ERN2: variants seen among roughly 807,000 people sequenced by gnomAD.
The protein encoded by ERN2 is serine/threonine-protein kinase/endoribonuclease IRE2.
ERN2 carries 111 observed loss-of-function variants against 107.9 expected under a neutral mutation model. The observed-to-expected ratio is 1.03, with a 90% confidence interval of 0.88 to 1.20. The LOEUF (loss-of-function observed/expected upper bound fraction) is 1.20, where lower values mean the gene tolerates loss of function less well. Ranked by LOEUF, ERN2 falls within the 50% of genes most tolerant of loss-of-function variation. The pLI is 0.00. For missense variants in ERN2, 1,225 were observed against 1,197.9 expected (o/e 1.02, Z -0.33); for synonymous variants, 524 against 501.7 (o/e 1.04, Z -0.59).
chr16:23,695,179 C>G, intron 15 of ERN2, 21 bp downstream of exon 15: 1 of 1,613,946 alleles, frequency 6.2e-7, no homozygotes, highest in Non-Finnish European at 8.5e-7. Context: ...CTCACCCTCC[C>G]TGAACCGCAA....
At chr16:23,710,144 C>G in intron 4 of ERN2, 28 bp downstream of exon 4, 1 of 1,552,836 alleles carries the variant, frequency 6.4e-7, no homozygotes, top group Non-Finnish European at 8.9e-7. Flanking sequence ...TGGCTCTCAC[C>G]CATTCCCGAA....
chr16:23,704,845 G>A, intron 8 of ERN2, 38 bp downstream of exon 8: 1 of 1,593,372 alleles, frequency 6.3e-7, no homozygotes, highest in Non-Finnish European at 8.5e-7. Context: ...GACACTCCCA[G>A]ATGGCTCCCT....
chr16:23,695,112 C>G lies in ERN2; in HGVS notation c.1807G>C (p.Glu603Gln), dbSNP rs1405437228. 6.2e-7 allele frequency: 1 copy of G among 1,614,090 alleles called. No homozygotes were observed. Among genetic ancestry groups the G allele is most frequent in the South Asian group, 1.1e-5 (1 of 91,066 alleles). The change falls in exon 16 of 22, where the codon GAA becomes CAA. Residue 603 changes from glutamate to glutamine, a missense_variant. Transcript: ENST00000256797. ...LCRASLQEYV[E>Q]NPDLDRGGLE... ...CCCCCGCGATCCAGGTCCGGGTTTT[C>G]TACGTACTGAGCAGCAGCAAGGGCC...
Position 23,713,076 on chromosome 16 carries a change from G to A in ERN2, c.93+19C>T. On this transcript the variant is annotated intron_variant, in intron 1 of 21. Coordinates refer to ENST00000256797, the MANE Select transcript of ERN2 (RefSeq NM_033266.4). ...CGCGACCAGACTTTGGGGACTTGGC[G>A]TCGGTCCCTGGCTCTCACCTGTGGA... is the stretch of plus-strand genomic sequence containing the variant. 6.6e-7 allele frequency: 1 copy of A among 1,510,318 alleles called. No individual in the cohort carries two copies. Among genetic ancestry groups the A allele is most frequent in the Non-Finnish European group, 8.8e-7 (1 of 1,133,336 alleles). 93.6% of individuals were successfully genotyped at this position (1,510,318 alleles called of 1,614,324 possible).
chr16:23,698,263 T>A (rs1301339392), intron 13 of ERN2, among the ~76,000 whole-genome samples: 1 of 152,242 alleles, frequency 6.6e-6, no homozygotes, highest in African/African-American at 2.4e-5. Context: ...CTGCCACTTA[T>A]TAGCTTTGTG....
intron 10 of ERN2, 31 bp from the exon 11 acceptor site, chr16:23,702,304 A>G (rs1224813781): frequency 2.5e-6 from 4 of 1,613,426 alleles, no homozygotes; most frequent in Non-Finnish European, 3.4e-6. Flanking sequence ...CATCAGGCTG[A>G]AGGGGACCTT....
intron 8 of ERN2, among the ~76,000 whole-genome samples, chr16:23,703,314 C>T (rs1960164598): frequency 6.6e-6 from 1 of 152,156 alleles, no homozygotes; most frequent in Non-Finnish European, 1.5e-5. Context: ...CTCTAGTGTT[C>T]CCTGCCTCTG....
Position 23,706,401 on chromosome 16 carries a change from G to A in ERN2, c.518C>T (p.Ala173Val). The change falls in exon 7 of 22, where the codon GCC becomes GTC. Residue 173 changes from alanine to valine, a missense_variant. Physicochemically the swap from Ala to Val is moderately conservative, Grantham distance 64 (BLOSUM62 0). Transcript: ENST00000256797. The part of the protein sequence containing the change: ...QYTVTMHDPR[A>V]PALRWNTTYR... The stretch of plus-strand genomic sequence containing the variant: ...GGTGGTGTTCCAGCGCAGGGCTGGG[G>A]CTCTTGGGTCATGCATGGTGACCGT... The A allele has an allele frequency of 6.3e-7, 1 of 1,576,222 alleles. No individual in the cohort carries two copies. Among genetic ancestry groups the A allele is most frequent in the Non-Finnish European group, 8.6e-7 (1 of 1,160,122 alleles).
rs751832831 is a variant in ERN2, at chr16:23,694,996, G to A, written c.1900+23C>T. 4.3e-6 allele frequency: 7 copies of A among 1,612,920 alleles called. No individual in the cohort carries two copies. The Admixed American group carries it at 1.2e-4, about 27-fold the overall frequency. ...AGGCAGGGGCTAAGGACAGGGAGCG[G>A]GAGGCAGGGGAAGTGCGGGTACCTA... is the stretch of plus-strand genomic sequence containing the variant. On this transcript the variant is annotated intron_variant, in intron 16 of 21. Transcript: ENST00000256797.
rs866043603 is a variant in ERN2, at chr16:23,710,339, C to G, written c.234-95G>C. 24 of 1,251,392 alleles carry G rather than the reference C, an allele frequency of 1.9e-5. No homozygotes were observed. In the Middle Eastern group the frequency reaches 1.3e-3, roughly 69 times the overall value. 77.5% of individuals were successfully genotyped at this position (1,251,392 alleles called of 1,614,324 possible). A position where few individuals can be genotyped will look rare whatever the true frequency, so the allele number is the denominator to read the frequency against. On this transcript the variant is annotated intron_variant, in intron 3 of 21. Coordinates refer to ENST00000256797, the MANE Select transcript of ERN2 (RefSeq NM_033266.4). ...CTTCCAATTTCTCAGCTACTAGGAG[C>G]CTGTTCTTGTAGGAAACATCATGGG...
In ERN2 at chr16:23,690,432, C is replaced by T. The variant is rs1959536053; in HGVS notation, c.*399G>A. 4.4e-6 allele frequency: 2 copies of T among 459,144 alleles called. No homozygotes were observed. Among genetic ancestry groups the T allele is most frequent in the Non-Finnish European group, 4.0e-6 (1 of 250,378 alleles). 28.4% of individuals were successfully genotyped at this position (459,144 alleles called of 1,614,324 possible). A position where few individuals can be genotyped will look rare whatever the true frequency, so the allele number is the denominator to read the frequency against. On this transcript the variant is annotated 3_prime_UTR_variant, in exon 22 of 22. Coordinates refer to ENST00000256797, the MANE Select transcript of ERN2 (RefSeq NM_033266.4). ...CCAGCGAACATCTCTGCTTCATCAG[C>T]CCCAGGCTGCCCAGCCTCTGCCAGT...
chr16:23,692,410 A>C (rs896449805), intron 17 of ERN2, 79 bp from the exon 18 acceptor site: 7 of 1,510,308 alleles, frequency 4.6e-6, no homozygotes, highest in Admixed American at 3.5e-5. Context: ...CCATGGGCTG[A>C]TAGAGCTGCC....
rs57103138 is a variant in ERN2, at chr16:23,695,722, CAAAA to C, written c.1610+168_1610+171del. Among the ~76,000 whole-genome samples, 311 of 37,358 alleles carry C rather than the reference CAAAA, an allele frequency of 8.3e-3. 1 individual carries two copies. The highest frequency in any genetic ancestry group is 0.028 in the African/African-American group (294 of 10,392). 24.5% of individuals were successfully genotyped at this position (37,358 alleles called of 152,430 possible). A position where few individuals can be genotyped will look rare whatever the true frequency, so the allele number is the denominator to read the frequency against. On this transcript the variant is annotated intron_variant, in intron 14 of 21. Coordinates refer to ENST00000256797, the MANE Select transcript of ERN2 (RefSeq NM_033266.4). ...CCAGCCTGGGCAACAGAGCAAGACT[CAAAA>C]AAAAAAAAAAAAAAAAAAAAACAGA...
intron 7 of ERN2, 142 bp from the exon 8 acceptor site, chr16:23,705,289 C>A: frequency 1.1e-6 from 1 of 949,892 alleles, no homozygotes; most frequent in East Asian, 2.6e-5. Context: ...TGTTGGAGTT[C>A]ATGGAGTCAC....
intron 3 of ERN2, 34 bp from the exon 4 acceptor site, chr16:23,710,278 G>A (rs756564543): frequency 2.9e-5 from 45 of 1,574,640 alleles, no homozygotes; most frequent in Non-Finnish European, 3.8e-5. Flanking sequence ...AGACCAATGG[G>A]TTCTTGCCCC....
At chr16:23,707,257 T>C (rs1960357581) in intron 4 of ERN2, 178 bp from the exon 5 acceptor site, 2 of 614,612 alleles carry the variant, frequency 3.3e-6, no homozygotes, top group African/African-American at 3.7e-5. Flanking sequence ...ACACAGCTAC[T>C]AAATGGCAGA....
chr16:23,695,500 C>G (rs1178813269), intron 14 of ERN2, 111 bp from the exon 15 acceptor site: 2 of 1,066,838 alleles, frequency 1.9e-6, no homozygotes, highest in Non-Finnish European at 2.7e-6. Context: ...CCAAGGCGGG[C>G]GGGTCACTTG....
rs1215457559 is a variant in ERN2, at chr16:23,702,470, C to T, written c.1001G>A (p.Gly334Glu). 3 of 1,613,606 alleles carry T rather than the reference C, an allele frequency of 1.9e-6. No homozygotes were observed. The highest frequency in any genetic ancestry group is 1.6e-4 in the Middle Eastern group (1 of 6,062). ...TTDEVTLQVS[G>E]EREGSPSTAV... is the part of the protein sequence containing the mutation. ...AGTGCTGGGTGAGCCCTCTCGCTCTCCTGAGACTTGGAGTGTCACCTCATC... is the reference window on the plus strand; with the variant it reads ...AGTGCTGGGTGAGCCCTCTCGCTCTTCTGAGACTTGGAGTGTCACCTCATC... The change falls in exon 10 of 22, where the codon GGA becomes GAA. Residue 334 changes from glycine to glutamate, a missense_variant. By Grantham distance (98) the Gly-to-Glu change is moderately conservative. Coordinates refer to ENST00000256797, the MANE Select transcript of ERN2 (RefSeq NM_033266.4).
intron 4 of ERN2, among the ~76,000 whole-genome samples, chr16:23,708,284 AGAGGTAGGGCCTGGTGG>A (rs896851732): frequency 3.4e-5 from 5 of 149,130 alleles, no homozygotes; most frequent in Non-Finnish European, 7.4e-5. Context: ...CCCCAATGTT[AGAGGTAGGGCCTGGTGG>A]GAGGTGATTG....
Sources: gnomAD v4.1 joint callset for allele counts (sites outside exome capture counted in the v4.1 genomes callset) on GRCh38, gnomAD v4.1.1 for gene constraint, MANE v1.5 for transcripts, NCBI Gene and HGNC (gene_info 2026-07-23, HGNC 2026-07-21) for gene names.